Variants in PRR5L observed in about 807,000 individuals in gnomAD.
The protein encoded by PRR5L is proline-rich protein 5-like.
PRR5L carries 21 observed loss-of-function variants against 36.4 expected under a neutral mutation model. That is an observed-to-expected ratio of 0.58 (90% CI 0.41 to 0.83). PRR5L has a LOEUF of 0.83. Among genes scored for constraint, PRR5L ranks in the 40% least tolerant of loss-of-function variants. The pLI, the probability that PRR5L is intolerant of heterozygous loss-of-function variation, is 0.00. For synonymous variants in PRR5L, 188 were observed against 197.0 expected (o/e 0.95, Z 0.38); for missense variants, 381 against 473.3 (o/e 0.80, Z 1.81).
At chr11:36,389,692 A>G (rs943698020) in intron 1 of PRR5L, among the ~76,000 whole-genome samples, 7 of 148,296 alleles carry the variant, frequency 4.7e-5, no homozygotes, top group South Asian at 2.1e-4. Context: ...GGCTCACTGC[A>G]ACCTCCGCCT....
intron 6 of PRR5L, among the ~76,000 whole-genome samples, chr11:36,442,561 C>T (rs997718118): frequency 2.6e-5 from 4 of 152,146 alleles, no homozygotes; most frequent in African/African-American, 9.7e-5. Context: ...AGGCTGGTCT[C>T]AAACTCCTGA....
At chr11:36,341,210 C>T (rs1856813970) in intron 1 of PRR5L, among the ~76,000 whole-genome samples, 2 of 152,146 alleles carry the variant, frequency 1.3e-5, no homozygotes, top group African/African-American at 4.8e-5. Flanking sequence ...GAGCCTGTCA[C>T]ACAGAGAGAG....
Position 36,462,631 on chromosome 11 carries a change from G to A in PRR5L, c.1002G>A (p.Arg334=). The A allele has an allele frequency of 1.2e-6, 2 of 1,612,326 alleles. No individual in the cohort carries two copies. Among genetic ancestry groups the A allele is most frequent in the Non-Finnish European group, 1.7e-6 (2 of 1,179,896 alleles). ...LLPPSFPPPH[R]QCSSEPNITD... is the part of the protein sequence containing the mutation. ...CACCCAGCTTCCCCCCGCCCCACCG[G>A]CAGTGCTCCAGTGAGCCCAACATCA... Residue 334 remains arginine, a synonymous_variant, in exon 9 of 9, where the codon CGG becomes CGA. Coordinates refer to ENST00000530639, the MANE Select transcript of PRR5L (RefSeq NM_001160167.2).
chr11:36,328,582 A>G (rs1159410574), intron 1 of PRR5L, among the ~76,000 whole-genome samples: 1 of 152,138 alleles, frequency 6.6e-6, no homozygotes, highest in Non-Finnish European at 1.5e-5. Flanking sequence ...TGCTTCCTAT[A>G]CAGCCTGTGG....
At chr11:36,432,262 T>A (rs1858516048) in intron 5 of PRR5L, among the ~76,000 whole-genome samples, 1 of 152,166 alleles carries the variant, frequency 6.6e-6, no homozygotes, top group Admixed American at 6.5e-5. Context: ...TCCATGCTAT[T>A]TCCTCTGGTC....
At chr11:36,307,142 T>C (rs1405351089) in intron 1 of PRR5L, among the ~76,000 whole-genome samples, 1 of 152,226 alleles carries the variant, frequency 6.6e-6, no homozygotes, top group Non-Finnish European at 1.5e-5. Flanking sequence ...CTGTACTTTC[T>C]TGCTAGAAGG....
intron 1 of PRR5L, among the ~76,000 whole-genome samples, chr11:36,389,288 T>C (rs1857518316): frequency 6.6e-6 from 1 of 152,176 alleles, no homozygotes; most frequent in Non-Finnish European, 1.5e-5. Flanking sequence ...TGCGTTCAAG[T>C]GCCTGTCTCC....
intron 1 of PRR5L, among the ~76,000 whole-genome samples, chr11:36,390,185 G>T (rs562078752): frequency 2.0e-5 from 3 of 152,316 alleles, no homozygotes; most frequent in Non-Finnish European, 2.9e-5. Flanking sequence ...CTAATCAGGG[G>T]TGAGGAGAAA....
intron 1 of PRR5L, among the ~76,000 whole-genome samples, chr11:36,318,131 A>T (rs759589955): frequency 8.5e-5 from 13 of 152,188 alleles, no homozygotes; most frequent in Non-Finnish European, 1.8e-4. Context: ...TACGCTGTAC[A>T]CGTTTGTAGC....
intron 1 of PRR5L, among the ~76,000 whole-genome samples, chr11:36,360,099 A>C (rs913093887): frequency 6.6e-6 from 1 of 151,912 alleles, no homozygotes. Context: ...ACACACAGAC[A>C]CACAAAACAG....
intron 1 of PRR5L, among the ~76,000 whole-genome samples, chr11:36,343,263 A>G (rs568223002): frequency 6.6e-6 from 1 of 152,352 alleles, no homozygotes. Flanking sequence ...TCTGTAAGGG[A>G]GTACATGTAC....
chr11:36,320,085 A>G (rs1856598239), intron 1 of PRR5L, among the ~76,000 whole-genome samples: 1 of 152,178 alleles, frequency 6.6e-6, no homozygotes, highest in South Asian at 2.1e-4. Context: ...GCAGTTCATC[A>G]AAGGCAGTCT....
At chr11:36,451,450 C>A in intron 8 of PRR5L, 115 bp downstream of exon 8, 1 of 1,275,974 alleles carries the variant, frequency 7.8e-7, no homozygotes, top group Non-Finnish European at 1.1e-6. Flanking sequence ...CTGAGCACAG[C>A]CTTTTGCTTC....
chr11:36,314,093 C>A (rs1856530692), intron 1 of PRR5L, among the ~76,000 whole-genome samples: 1 of 152,146 alleles, frequency 6.6e-6, no homozygotes, highest in Non-Finnish European at 1.5e-5. Context: ...GGTAAGATAC[C>A]TGTTTGATAG....
chr11:36,395,975 C>G (rs1857651253), intron 1 of PRR5L: 1 of 152,218 alleles, frequency 6.6e-6, no homozygotes, highest in African/African-American at 2.4e-5. Context: ...AGCAGTCCGC[C>G]CGCCTCAGCC....
intron 1 of PRR5L, among the ~76,000 whole-genome samples, chr11:36,393,497 A>G (rs1349562149): frequency 6.6e-6 from 1 of 151,966 alleles, no homozygotes; most frequent in African/African-American, 2.4e-5. Context: ...AAATGTATGG[A>G]TTTGTTTCTA....
intron 6 of PRR5L, among the ~76,000 whole-genome samples, chr11:36,438,681 G>A (rs565420047): frequency 6.6e-6 from 1 of 152,082 alleles, no homozygotes; most frequent in Non-Finnish European, 1.5e-5. Context: ...CAGGATGTTG[G>A]CCGGGCACAG....
intron 1 of PRR5L, among the ~76,000 whole-genome samples, chr11:36,328,363 T>G (rs910772028): frequency 6.6e-6 from 1 of 152,128 alleles, no homozygotes; most frequent in Non-Finnish European, 1.5e-5. Flanking sequence ...TGAGAGGTGA[T>G]TGATCATGGG....
At chr11:36,462,014 G>C (rs938300083) in intron 8 of PRR5L, among the ~76,000 whole-genome samples, 1 of 152,160 alleles carries the variant, frequency 6.6e-6, no homozygotes, top group Non-Finnish European at 1.5e-5. Context: ...GATTGAAAGG[G>C]AATTTTAGGG....
Sources: gnomAD v4.1 joint callset for allele counts (sites outside exome capture counted in the v4.1 genomes callset) on GRCh38, gnomAD v4.1.1 for gene constraint, MANE v1.5 for transcripts, NCBI Gene and HGNC (gene_info 2026-07-23, HGNC 2026-07-21) for gene names.